SCFD2: variants seen among roughly 807,000 people sequenced by gnomAD.
SCFD2 encodes sec1 family domain containing 2, also known as sec1 family domain-containing protein 2.
SCFD2 carries 54 observed loss-of-function variants against 58.9 expected under a neutral mutation model. The observed-to-expected ratio is 0.92, with a 90% CI of 0.74 to 1.15. The LOEUF is 1.15. Among genes scored for constraint, SCFD2 ranks in the 50% most tolerant of loss-of-function variants. The pLI is 0.00. For missense variants in SCFD2, 805 were observed against 836.6 expected (o/e 0.96, Z 0.47); for synonymous variants, 321 against 335.9 (o/e 0.96, Z 0.49).
chr4:53,191,260 G>T (rs775364685), intron 4 of SCFD2, among the ~76,000 whole-genome samples: 2 of 151,972 alleles, frequency 1.3e-5, no homozygotes, highest in African/African-American at 4.8e-5. Flanking sequence ...AGCTGAGATC[G>T]TGCCACTGTA....
chr4:53,284,445 AT>A (rs1279445689), intron 3 of SCFD2, among the ~76,000 whole-genome samples: 1 of 152,096 alleles, frequency 6.6e-6, no homozygotes, highest in Non-Finnish European at 1.5e-5. Context: ...TTCATTTTTT[AT>A]TTTATATATG....
chr4:52,994,227 G>A (rs1396257522), intron 5 of SCFD2, among the ~76,000 whole-genome samples: 1 of 152,216 alleles, frequency 6.6e-6, no homozygotes, highest in East Asian at 1.9e-4. Flanking sequence ...ACCAAACCTA[G>A]AGGATTCCCT....
intron 4 of SCFD2, among the ~76,000 whole-genome samples, chr4:53,223,014 C>T (rs1729093982): frequency 6.6e-6 from 1 of 152,114 alleles, no homozygotes; most frequent in African/African-American, 2.4e-5. Context: ...GGCACACAAA[C>T]ACGAGAGCCC....
At chr4:53,092,365 C>T (rs931467492) in intron 5 of SCFD2, among the ~76,000 whole-genome samples, 16 of 152,120 alleles carry the variant, frequency 1.1e-4, no homozygotes, top group Admixed American at 4.6e-4. Context: ...GGTACAGCCA[C>T]TCTGAAAAAC....
intron 4 of SCFD2, among the ~76,000 whole-genome samples, chr4:53,201,987 C>A (rs1728256963): frequency 6.6e-6 from 1 of 152,158 alleles, no homozygotes; most frequent in African/African-American, 2.4e-5. Context: ...CCTGTTCACT[C>A]TGATGGTAGT....
At chr4:53,124,747 C>A (rs542622356) in intron 5 of SCFD2, among the ~76,000 whole-genome samples, 196 of 152,270 alleles carry the variant, frequency 1.3e-3, no homozygotes, top group South Asian at 2.3e-3. Flanking sequence ...TAAACCAAAT[C>A]AGAAGAGAAA....
At chr4:53,216,475 G>A (rs951253147) in intron 4 of SCFD2, among the ~76,000 whole-genome samples, 3 of 152,136 alleles carry the variant, frequency 2.0e-5, no homozygotes, top group African/African-American at 7.2e-5. Context: ...TTGCATTTCT[G>A]TGGGATTGGT....
intron 3 of SCFD2, among the ~76,000 whole-genome samples, chr4:53,307,355 G>A (rs537843803): frequency 3.3e-5 from 5 of 152,260 alleles, no homozygotes; most frequent in African/African-American, 9.6e-5. Flanking sequence ...GGTTTTAAGC[G>A]GGGGCATGGC....
At chr4:53,049,049 T>C (rs919986633) in intron 5 of SCFD2, among the ~76,000 whole-genome samples, 1 of 152,210 alleles carries the variant, frequency 6.6e-6, no homozygotes, top group Non-Finnish European at 1.5e-5. Flanking sequence ...GTGTGAGAAT[T>C]GGAAAACGTG....
chr4:53,353,219 G>A (rs759705117), intron 1 of SCFD2, among the ~76,000 whole-genome samples: 5 of 151,762 alleles, frequency 3.3e-5, no homozygotes, highest in South Asian at 2.1e-4. Context: ...GCAGACCTTC[G>A]CGGTGAGTGT....
chr4:52,919,241 G>A (rs993390684), intron 6 of SCFD2, among the ~76,000 whole-genome samples: 7 of 151,978 alleles, frequency 4.6e-5, no homozygotes, highest in Admixed American at 3.9e-4. Context: ...TTCATTTAGT[G>A]GTTTATTTTC....
At chr4:53,012,908 C>T (rs1194881180) in intron 5 of SCFD2, among the ~76,000 whole-genome samples, 2 of 151,320 alleles carry the variant, frequency 1.3e-5, no homozygotes. Context: ...AAATTCATTA[C>T]TCTGAGGAAT....
At chr4:53,277,460 T>C (rs1019412779) in intron 3 of SCFD2, among the ~76,000 whole-genome samples, 22 of 152,090 alleles carry the variant, frequency 1.4e-4, no homozygotes, top group Non-Finnish European at 2.2e-4. Context: ...TTAATGATCA[T>C]ACAAATAATT....
At chr4:52,949,996 C>T (rs1358801293) in intron 5 of SCFD2, 3 of 152,044 alleles carry the variant, frequency 2.0e-5, no homozygotes, top group East Asian at 1.9e-4. Context: ...AGGGGTGGAC[C>T]GATGGCACCA....
At chr4:53,102,105 AC>A (rs1724846808) in intron 5 of SCFD2, among the ~76,000 whole-genome samples, 1 of 152,170 alleles carries the variant, frequency 6.6e-6, no homozygotes, top group Non-Finnish European at 1.5e-5. Context: ...AAAAGACCTG[AC>A]CACAGGTGGA....
intron 5 of SCFD2, among the ~76,000 whole-genome samples, chr4:53,044,828 G>GTTT (rs200573912): frequency 1.5e-5 from 2 of 134,040 alleles, no homozygotes; most frequent in Non-Finnish European, 3.1e-5. Context: ...GAGTATTTCT[G>GTTT]TTTTTTTTTT....
intron 5 of SCFD2, among the ~76,000 whole-genome samples, chr4:53,113,609 C>T (rs561523296): frequency 6.6e-6 from 1 of 152,184 alleles, no homozygotes; most frequent in East Asian, 1.9e-4. Context: ...TGACAGTTTT[C>T]ACAACTGCAA....
chr4:52,986,135 C>T (rs936910044), intron 5 of SCFD2, among the ~76,000 whole-genome samples: 6 of 152,094 alleles, frequency 3.9e-5, no homozygotes, highest in African/African-American at 1.4e-4. Flanking sequence ...CTCTTCCCTC[C>T]AGAGCTGAGC....
At chr4:52,998,469 T>C (rs1050538525) in intron 5 of SCFD2, among the ~76,000 whole-genome samples, 1 of 152,242 alleles carries the variant, frequency 6.6e-6, no homozygotes, top group East Asian at 1.9e-4. Flanking sequence ...GATAAGAGAT[T>C]AAATCCTTCT....
Sources: gnomAD v4.1 joint callset for allele counts (sites outside exome capture counted in the v4.1 genomes callset) on GRCh38, gnomAD v4.1.1 for gene constraint, MANE v1.5 for transcripts, NCBI Gene and HGNC (gene_info 2026-07-23, HGNC 2026-07-21) for gene names.